The following HK1 variants were observed in gnomAD, a reference collection of about 807,000 sequenced individuals.
HK1 encodes the protein hexokinase-1.
A neutral mutation model predicts 91.6 loss-of-function variants in HK1; 28 were observed. The ratio of observed to expected loss-of-function variants is 0.31; its 90% CI spans 0.23 to 0.42. The LOEUF is 0.42. Among genes scored for constraint, HK1 ranks in the 10% least tolerant of loss-of-function variants. The probability of loss-of-function intolerance (pLI) is 1.00; values close to 1 mark genes in which losing one functional copy is unlikely to be tolerated. For synonymous variants in HK1, 430 were observed against 468.1 expected, an observed-to-expected ratio of 0.92 and a Z score of 1.05; for missense variants, 770 against 1,219.8, an observed-to-expected ratio of 0.63 and a Z score of 5.49.
intron 1 of HK1, among the ~76,000 whole-genome samples, chr10:69,322,090 G>A (rs1847067536): frequency 6.6e-6 from 1 of 152,220 alleles, no homozygotes; most frequent in South Asian, 2.1e-4. Context: ...GCTTGGAGCA[G>A]GGTGAAGGAT....
At chr10:69,377,187 T>G in intron 8 of HK1, 98 bp downstream of exon 8, 1 of 1,413,164 alleles carries the variant, frequency 7.1e-7, no homozygotes, top group Non-Finnish European at 9.9e-7. Context: ...TGGCTTTTCC[T>G]TCAAGAGTGT....
Position 69,376,889 on chromosome 10 carries a change from G to A in HK1, c.876-45G>A, listed in dbSNP as rs1322684521. 2.5e-6 allele frequency: 4 copies of A among 1,610,650 alleles called. No individual in the cohort carries two copies. The South Asian group carries it at 3.3e-5, about 13-fold the overall frequency. On this transcript the variant is annotated intron_variant, in intron 7 of 17. Coordinates refer to ENST00000359426, the MANE Select transcript of HK1 (RefSeq NM_000188.3). ...TGTCTGTCCCAGCCCTCGTGTGTGG[G>A]GCGCAGAGGAAGGCTGACAAGTGCC...
chr10:69,386,450 T>C (rs770552917), intron 13 of HK1, 32 bp downstream of exon 13: 14 of 1,544,444 alleles, frequency 9.1e-6, no homozygotes, highest in African/African-American at 1.4e-5. Context: ...TTTAAAATCT[T>C]TACTGTTTTA....
chr10:69,289,545 C>T (rs866405765), intron 3 of HK1, among the ~76,000 whole-genome samples: 1 of 141,890 alleles, frequency 7.0e-6, no homozygotes, highest in Middle Eastern at 4.4e-3. Flanking sequence ...GATCTCGGCT[C>T]ACTGTAACCT....
upstream of HK1, chr10:69,316,071 G>C: frequency 1.5e-6 from 2 of 1,358,334 alleles, no homozygotes; most frequent in Non-Finnish European, 2.1e-6. Context: ...GAGAGGGGAT[G>C]CTTGGTCAGG....
chr10:69,389,366 G>A (rs1230703901), intron 14 of HK1, 70 bp downstream of exon 14: 1 of 1,142,946 alleles, frequency 8.7e-7, no homozygotes, highest in Admixed American at 2.0e-5. Context: ...GTGGGGCCTT[G>A]GCCCAGCAGC....
intron 3 of HK1, among the ~76,000 whole-genome samples, chr10:69,290,850 C>A (rs918183673): frequency 9.2e-5 from 14 of 152,192 alleles, no homozygotes; most frequent in African/African-American, 3.1e-4. Context: ...TAATGCCCAA[C>A]TGGAAGCTCT....
At chr10:69,319,348 G>A (rs1353830690) in intron 1 of HK1, among the ~76,000 whole-genome samples, 2 of 152,236 alleles carry the variant, frequency 1.3e-5, no homozygotes, top group Non-Finnish European at 2.9e-5. Flanking sequence ...TGTTCGGGAG[G>A]GTCCGAGCGC....
At chr10:69,387,035 G>A (rs1680853804) in intron 13 of HK1, among the ~76,000 whole-genome samples, 1 of 151,998 alleles carries the variant, frequency 6.6e-6, no homozygotes, top group Admixed American at 6.6e-5. Flanking sequence ...GTTAGGCCTT[G>A]GTGTTCTCCT....
At chr10:69,355,992 A>T (rs1159881922) in intron 2 of HK1, among the ~76,000 whole-genome samples, 1 of 152,218 alleles carries the variant, frequency 6.6e-6, no homozygotes, top group Non-Finnish European at 1.5e-5. Flanking sequence ...AAATGGATCA[A>T]ATACCTAAAT....
At chr10:69,338,333 G>T (rs1017494211) in intron 1 of HK1, 4 of 1,184,930 alleles carry the variant, frequency 3.4e-6, no homozygotes, top group African/African-American at 1.6e-5. Flanking sequence ...GACCCAGCTC[G>T]GTGTCTGATG....
At chr10:69,398,907 G>A (rs768535435) in intron 17 of HK1, 79 bp downstream of exon 17, 16 of 1,146,714 alleles carry the variant, frequency 1.4e-5, no homozygotes, top group South Asian at 5.5e-5. Flanking sequence ...TGTGGTTTAC[G>A]CTGGGGAAAT....
chr10:69,296,557 C>T (rs965856628), intron 4 of HK1, among the ~76,000 whole-genome samples: 10 of 152,122 alleles, frequency 6.6e-5, no homozygotes, highest in African/African-American at 2.2e-4. Flanking sequence ...ATAGGTGAAA[C>T]GTGCTTTAAG....
At chr10:69,280,323 T>C (rs1844677645) in intron 1 of HK1, among the ~76,000 whole-genome samples, 1 of 152,146 alleles carries the variant, frequency 6.6e-6, no homozygotes, top group Admixed American at 6.5e-5. Flanking sequence ...TTCACTGTGT[T>C]AGCCAGGATG....
chr10:69,329,685 C>T (rs952029877), intron 1 of HK1, among the ~76,000 whole-genome samples: 1 of 152,276 alleles, frequency 6.6e-6, no homozygotes, highest in Middle Eastern at 3.4e-3. Context: ...GTTCTTTCCA[C>T]CATTACACCC....
At chr10:69,388,746 C>T (rs1419180367) in intron 13 of HK1, among the ~76,000 whole-genome samples, 1 of 152,236 alleles carries the variant, frequency 6.6e-6, no homozygotes, top group African/African-American at 2.4e-5. Flanking sequence ...ATTGTTTCCT[C>T]TTTCTGACTA....
At chr10:69,393,300 CTTTTCTTTTCTTT>C (rs1255759262) in intron 15 of HK1, among the ~76,000 whole-genome samples, 1 of 131,526 alleles carries the variant, frequency 7.6e-6, no homozygotes, top group African/African-American at 2.8e-5. Flanking sequence ...TTTTTCTTTT[CTTTTCTTTTCTTT>C]TTTTTTTGAG....
At position 69,401,515 on chromosome 10, in the gene HK1, T is replaced by C; in HGVS notation, c.*380T>C. The C allele has an allele frequency of 2.8e-6, 1 of 353,016 alleles. No individual in the cohort carries two copies. The highest frequency in any genetic ancestry group is 5.5e-6 in the Non-Finnish European group (1 of 182,382). 21.9% of individuals were successfully genotyped at this position (353,016 alleles called of 1,614,324 possible). Reference sequence around the variant, plus strand: ...GGCCTCCAAAGCCCATCCTTGGGGTTCCCCCTCCCTGTGTGAAATGTATTA... The same window carrying C: ...GGCCTCCAAAGCCCATCCTTGGGGTCCCCCCTCCCTGTGTGAAATGTATTA... On this transcript the variant is annotated 3_prime_UTR_variant, in exon 18 of 18. Coordinates refer to ENST00000359426, the MANE Select transcript of HK1 (RefSeq NM_000188.3).
intron 15 of HK1, 90 bp downstream of exon 15, chr10:69,392,398 G>T: frequency 7.2e-7 from 1 of 1,383,780 alleles, no homozygotes; most frequent in Non-Finnish European, 1.0e-6. Flanking sequence ...GAAGTTTCTA[G>T]GAGGAGAGGT....
Sources: allele counts gnomAD v4.1 joint callset (sites outside exome capture counted in the v4.1 genomes callset), GRCh38; gene constraint gnomAD v4.1.1; transcripts MANE v1.5; gene names NCBI Gene and HGNC (gene_info 2026-07-23, HGNC 2026-07-21).